AFF2: variants seen among roughly 807,000 people sequenced by gnomAD.
AFF2 encodes the protein AF4/FMR2 family member 2.
A neutral mutation model predicts 76.9 loss-of-function variants in AFF2; 14 were observed. The observed-to-expected ratio is 0.18, with a 90% CI of 0.12 to 0.28. The LOEUF (loss-of-function observed/expected upper bound fraction) is 0.28, where lower values mean the gene tolerates loss of function less well. Among genes scored for constraint, AFF2 ranks in the 10% least tolerant of loss-of-function variants. The pLI, the probability that AFF2 is intolerant of heterozygous loss-of-function variation, is 1.00. For synonymous variants in AFF2, 398 were observed against 366.7 expected (o/e 1.09, Z -0.98); for missense variants, 868 against 1,001.1 (o/e 0.87, Z 1.79).
intron 4 of AFF2, chrX:148,822,409 G>A (rs2070339557): frequency 4.5e-5 from 5 of 111,441 alleles, no homozygotes; most frequent in African/African-American, 1.6e-4. Context: ...CTGACGTTCA[G>A]TGGGGTAACA....
chrX:148,897,221 CTATATATATATATATATATA>C (rs1171086215), intron 8 of AFF2, among the ~76,000 whole-genome samples: 19 of 23,440 alleles, frequency 8.1e-4, no homozygotes, highest in African/African-American at 2.8e-3. Context: ...CCTTAGTCCA[CTATATATATATATATATATA>C]TATATATATA....
At chrX:148,893,771 T>C (rs1603336311) in intron 8 of AFF2, among the ~76,000 whole-genome samples, 1 of 111,732 alleles carries the variant, frequency 8.9e-6, no homozygotes, top group African/African-American at 3.2e-5. Context: ...ACAGCACATA[T>C]ATGGTTCTGT....
rs958119604 is a variant in AFF2 at position 148,872,813 on chromosome X, C to T, written c.1263-13076C>T. On this transcript the variant is annotated intron_variant, in intron 7 of 20. Coordinates refer to ENST00000370460, the MANE Select transcript of AFF2 (RefSeq NM_002025.4). ...AAGAGAATGAAAGGAAGCAAGGTCT[C>T]TTGGGTCTCTTCTTAGAAGGTCTCT... Among the ~76,000 whole-genome samples, 74 of 111,814 alleles carry T rather than the reference C, an allele frequency of 6.6e-4. 1 individual carries two copies. The highest frequency in any genetic ancestry group is 7.5e-4 in the Non-Finnish European group (40 of 53,136).
chrX:148,894,281 C>G (rs1012812097), intron 8 of AFF2, among the ~76,000 whole-genome samples: 1 of 111,360 alleles, frequency 9.0e-6, no homozygotes, highest in Non-Finnish European at 1.9e-5. Flanking sequence ...AACTCTACCC[C>G]CTCCCCCCCA....
At chrX:148,944,184 T>C (rs1188016022) in intron 9 of AFF2, among the ~76,000 whole-genome samples, 2 of 112,273 alleles carry the variant, frequency 1.8e-5, no homozygotes, top group Non-Finnish European at 3.8e-5. Context: ...GCCTGGGTTC[T>C]CCTGACAAGC....
At chrX:148,908,049 C>A (rs1362349391) in intron 9 of AFF2, among the ~76,000 whole-genome samples, 1 of 111,914 alleles carries the variant, frequency 8.9e-6, no homozygotes, top group Non-Finnish European at 1.9e-5. Context: ...TGGCTCTGTT[C>A]CGCCCGGCTC....
chrX:148,704,314 G>GTATATATATATTTATATATATGTGTA (rs2054844107), intron 3 of AFF2, among the ~76,000 whole-genome samples: 1 of 72,261 alleles, frequency 1.4e-5, no homozygotes. Flanking sequence ...ATATATGTGT[G>GTATATATATATTTATATATATGTGTA]TATATATATA....
intron 3 of AFF2, among the ~76,000 whole-genome samples, chrX:148,711,922 T>C (rs929119619): frequency 8.9e-6 from 1 of 111,815 alleles, no homozygotes; most frequent in Non-Finnish European, 1.9e-5. Context: ...TGCCATATGA[T>C]CTTGTATCTG....
intron 1 of AFF2, among the ~76,000 whole-genome samples, chrX:148,502,130 T>G (rs2052360698): frequency 8.9e-6 from 1 of 112,172 alleles, no homozygotes; most frequent in South Asian, 3.7e-4. Context: ...CTTAAACGTA[T>G]CAGATTCCCC....
chrX:148,824,554 A>G (rs1447234220), intron 4 of AFF2, among the ~76,000 whole-genome samples: 10 of 111,942 alleles, frequency 8.9e-5, no homozygotes, highest in African/African-American at 3.2e-4. Context: ...TTATTTTGTC[A>G]GTTATACCTC....
At chrX:148,515,488 G>C (rs73616500) in intron 1 of AFF2, among the ~76,000 whole-genome samples, 4,012 of 111,940 alleles carry the variant, frequency 0.036, 62 homozygotes, top group Middle Eastern at 0.051. Flanking sequence ...AGCCTTCTTA[G>C]CTTTAGTACT....
At chrX:148,906,276 T>C (rs1477949906) in intron 9 of AFF2, among the ~76,000 whole-genome samples, 1 of 111,975 alleles carries the variant, frequency 8.9e-6, no homozygotes, top group Non-Finnish European at 1.9e-5. Flanking sequence ...GGCATCCCTC[T>C]TGAGGAAATC....
At chrX:148,584,691 G>T (rs782706115) in intron 1 of AFF2, among the ~76,000 whole-genome samples, 36 of 109,333 alleles carry the variant, frequency 3.3e-4, no homozygotes, top group Non-Finnish European at 5.5e-4. Context: ...GAGTAGCTGG[G>T]ACTACGAGCA....
Position 148,663,517 on chromosome X carries a change from A to G in AFF2, c.1041+749A>G, listed in dbSNP as rs900741141. ...GTCCAGAGGCACCAAAGCCTCTTCT[A>G]AGGAATGAATCGCTAATGATTGGAT... On this transcript the variant is annotated intron_variant, in intron 3 of 20. Coordinates refer to ENST00000370460, the MANE Select transcript of AFF2 (RefSeq NM_002025.4). 4.4e-5 allele frequency among the ~76,000 whole-genome samples: 5 copies of G among 112,613 alleles called. No individual in the cohort carries two copies. The East Asian group carries it at 1.1e-3, about 25-fold the overall frequency.
chrX:148,656,010 C>T (rs1351585892), intron 2 of AFF2, among the ~76,000 whole-genome samples: 6 of 112,070 alleles, frequency 5.4e-5, no homozygotes, highest in East Asian at 2.8e-4. Flanking sequence ...TGTCCAATAG[C>T]GCCAGTGGTT....
intron 1 of AFF2, among the ~76,000 whole-genome samples, chrX:148,599,231 A>G (rs1364650104): frequency 8.9e-6 from 1 of 112,583 alleles, no homozygotes; most frequent in East Asian, 2.8e-4. Flanking sequence ...CTATATATAA[A>G]AGCATCCTTC....
Position 148,662,389 on chromosome X carries a change from A to G in AFF2, c.662A>G (p.Asn221Ser). The G allele has an allele frequency of 8.3e-7, 1 of 1,211,904 alleles. No homozygotes were observed. Among genetic ancestry groups the G allele is most frequent in the Non-Finnish European group, 1.1e-6 (1 of 895,537 alleles). The stretch of plus-strand genomic sequence containing the variant: ...AACCCATCTGCAAAGGAAGACAGTA[A>G]CCCTAATTCTAGTGGAGAAGATGCT... Reference protein sequence around the residue: ...ESNPSAKEDSNPNSSGEDAFK... With the variant: ...ESNPSAKEDSSPNSSGEDAFK... The change falls in exon 3 of 21, where the codon AAC becomes AGC. Residue 221 changes from asparagine (N) to serine (S), a missense_variant. By Grantham distance (46) the Asn-to-Ser change is conservative. Around this residue, in one of 6 missense-constraint regions of AFF2, gnomAD observed 196 missense variants for 194.8 expected, o/e 1.01. Coordinates refer to ENST00000370460, the MANE Select transcript of AFF2 (RefSeq NM_002025.4).
At chrX:148,857,604 GA>G (rs1292628705) in intron 7 of AFF2, among the ~76,000 whole-genome samples, 1 of 111,610 alleles carries the variant, frequency 9.0e-6, no homozygotes, top group African/African-American at 3.2e-5. Flanking sequence ...ATAAAAGCCT[GA>G]AACTGCAGGT....
At chrX:148,960,610 C>T (rs1237571746) in intron 12 of AFF2, among the ~76,000 whole-genome samples, 4 of 112,445 alleles carry the variant, frequency 3.6e-5, no homozygotes, top group African/African-American at 1.3e-4. Flanking sequence ...TGGGAATCCC[C>T]TCCTCAAGCT....
Sources: gnomAD v4.1 joint callset for allele counts (sites outside exome capture counted in the v4.1 genomes callset) on GRCh38, gnomAD v4.1.1 for gene constraint, gnomAD v4.1.1 regional missense constraint, MANE v1.5 for transcripts, NCBI Gene and HGNC (gene_info 2026-07-23, HGNC 2026-07-21) for gene names.